CCDC77: variants seen among roughly 807,000 people sequenced by gnomAD.
CCDC77 encodes coiled-coil domain containing 77, also known as coiled-coil domain-containing protein 77.
Under a neutral mutation model 66.8 loss-of-function variants are expected in CCDC77, and 56 were observed. That is an observed-to-expected ratio of 0.84 (90% confidence interval 0.68 to 1.05). CCDC77 has a LOEUF of 1.05. CCDC77 is among the 50% of genes least tolerant of loss of function. CCDC77 has a pLI of 0.00. For missense variants in CCDC77, 570 were observed against 576.8 expected (o/e 0.99, Z 0.12); for synonymous variants, 196 against 195.2 (o/e 1.00, Z -0.03).
intron 12 of CCDC77, among the ~76,000 whole-genome samples, 169 bp from the exon 13 acceptor site, chr12:441,605 A>T (rs998800191): frequency 6.6e-6 from 1 of 152,154 alleles, no homozygotes; most frequent in Non-Finnish European, 1.5e-5. Flanking sequence ...TTCTGCCTTA[A>T]TTCTACATTT....
chr12:417,657 G>A (rs549959445), intron 4 of CCDC77, among the ~76,000 whole-genome samples: 11 of 152,254 alleles, frequency 7.2e-5, no homozygotes, highest in African/African-American at 2.4e-4. Flanking sequence ...GCTCACGCCT[G>A]TAATCCCAGC....
rs369477879 is a variant in CCDC77, at chr12:413,992, G to A, written c.270+2014G>A. On this transcript the variant is annotated intron_variant, in intron 4 of 12. Transcript: ENST00000239830. ...ATGCCACTAAAACCGTGCCGTCTGCGGTCTCCAAATACCTGTTTACCAAAC... is the reference window on the plus strand; with the variant it reads ...ATGCCACTAAAACCGTGCCGTCTGCAGTCTCCAAATACCTGTTTACCAAAC... Among the ~76,000 whole-genome samples the A allele has an allele frequency of 4.0e-5, 6 of 151,784 alleles. No individual in the cohort carries two copies. In the South Asian group the frequency reaches 6.2e-4, roughly 16 times the overall value.
chr12:434,383 C>T (rs1945709814), intron 9 of CCDC77, among the ~76,000 whole-genome samples: 1 of 147,436 alleles, frequency 6.8e-6, no homozygotes, highest in Non-Finnish European at 1.5e-5. Flanking sequence ...GACTAAGTCT[C>T]ACTCTGTCGC....
At chr12:422,985 T>C (rs1945433453) in intron 5 of CCDC77, among the ~76,000 whole-genome samples, 1 of 152,282 alleles carries the variant, frequency 6.6e-6, no homozygotes, top group Middle Eastern at 3.4e-3. Flanking sequence ...TTTTATTTTT[T>C]TGAGTAACTG....
intron 10 of CCDC77, 96 bp from the exon 11 acceptor site, chr12:440,521 A>T (rs1783192987): frequency 7.0e-7 from 1 of 1,421,160 alleles, no homozygotes; most frequent in African/African-American, 1.4e-5. Context: ...TACCTCTGGA[A>T]ATCCCTTCTT....
chr12:397,661 T>C (rs1944845708), upstream of CCDC77, among the ~76,000 whole-genome samples: 1 of 152,186 alleles, frequency 6.6e-6, no homozygotes. Flanking sequence ...TGCTTTTTTT[T>C]TTTGAGACAG....
intron 1 of CCDC77, chr12:389,490 A>G: frequency 2.7e-6 from 1 of 368,848 alleles, no homozygotes; most frequent in Admixed American, 4.4e-5. Flanking sequence ...GCCCTTGGTA[A>G]GGGGTCGGGG....
intron 4 of CCDC77, among the ~76,000 whole-genome samples, chr12:417,966 AG>A (rs1945319073): frequency 6.6e-6 from 1 of 152,286 alleles, no homozygotes; most frequent in South Asian, 2.1e-4. Context: ...AGTCTGTAAA[AG>A]GAAGATGTGA....
At chr12:422,320 C>T (rs1284036429) in intron 5 of CCDC77, among the ~76,000 whole-genome samples, 1 of 152,196 alleles carries the variant, frequency 6.6e-6, no homozygotes, top group East Asian at 1.9e-4. Context: ...GTGTACGGTT[C>T]AGTGGCATTA....
chr12:414,907 C>G (rs1169293122), intron 4 of CCDC77, among the ~76,000 whole-genome samples: 1 of 152,200 alleles, frequency 6.6e-6, no homozygotes, highest in East Asian at 1.9e-4. Context: ...TCTTACATCC[C>G]CAGTTGGCCT....
intron 3 of CCDC77, 139 bp from the exon 4 acceptor site, chr12:411,608 A>G (rs1032231800): frequency 1.3e-5 from 9 of 681,924 alleles, no homozygotes; most frequent in Admixed American, 2.9e-5. Flanking sequence ...ATGAGCCACT[A>G]TGCCTGTCCA....
At chr12:427,616 A>AGCTACTG (rs1403032269) in intron 5 of CCDC77, among the ~76,000 whole-genome samples, 17 of 151,742 alleles carry the variant, frequency 1.1e-4, no homozygotes, top group Non-Finnish European at 2.2e-4. Flanking sequence ...CTGGGATTAC[A>AGCTACTG]GGTGCACGCC....
intron 10 of CCDC77, among the ~76,000 whole-genome samples, chr12:439,944 G>A (rs1945829865): frequency 1.3e-5 from 2 of 152,272 alleles, no homozygotes; most frequent in Middle Eastern, 6.8e-3. Context: ...CTGAAAAATG[G>A]GACTAAGCTT....
intron 9 of CCDC77, among the ~76,000 whole-genome samples, chr12:434,143 T>C (rs1945703005): frequency 6.6e-6 from 1 of 151,952 alleles, no homozygotes; most frequent in African/African-American, 2.4e-5. Flanking sequence ...TGTTTTAGTT[T>C]CCTATAATGC....
Position 413,689 on chromosome 12 carries a change from G to A in CCDC77, c.270+1711G>A, listed in dbSNP as rs567679950. Among the ~76,000 whole-genome samples the A allele has an allele frequency of 1.7e-4, 25 of 144,344 alleles. 1 individual carries two copies. Among genetic ancestry groups the A allele is most frequent in the African/African-American group, 2.9e-4 (11 of 38,070 alleles). 94.7% of individuals were successfully genotyped at this position (144,344 alleles called of 152,430 possible). ...GTCGCCCAGGCTGGAGTGCAGTGAC[G>A]CAACCTCAGCTCACTGCAAGCTCTG... On this transcript the variant is annotated intron_variant, in intron 4 of 12. Transcript: ENST00000239830.
rs1391419725 is a variant in CCDC77, at chr12:428,284, A to G, written c.414-485A>G. ...TCCCAGCACTTTGGGAGGCCGAGGC[A>G]GGCAGATCACGAGGTCAGGAGATCA... On this transcript the variant is annotated intron_variant, in intron 5 of 12. Transcript: ENST00000239830. Among the ~76,000 whole-genome samples, 6 of 152,062 alleles carry G rather than the reference A, an allele frequency of 3.9e-5. No individual in the cohort carries two copies. The South Asian group carries it at 6.2e-4, about 16-fold the overall frequency.
upstream of CCDC77, among the ~76,000 whole-genome samples, chr12:396,951 G>T (rs530213323): frequency 2.0e-5 from 3 of 152,196 alleles, no homozygotes; most frequent in African/African-American, 7.2e-5. Flanking sequence ...CTGTCACCCA[G>T]GCTGGAGTGC....
chr12:410,644 C>G (rs1945089272), intron 3 of CCDC77, among the ~76,000 whole-genome samples: 1 of 149,622 alleles, frequency 6.7e-6, no homozygotes. Flanking sequence ...CTCCTGCGTT[C>G]AAGCAATTAT....
At chr12:417,054 G>A (rs4980897) in intron 4 of CCDC77, among the ~76,000 whole-genome samples, 97,976 of 150,494 alleles carry the variant, frequency 0.65, 32,774 homozygotes, top group South Asian at 0.79. Flanking sequence ...CAGAAGAATC[G>A]CCAAGGAGGT....
Sources: allele counts gnomAD v4.1 joint callset (sites outside exome capture counted in the v4.1 genomes callset), GRCh38; gene constraint gnomAD v4.1.1; transcripts MANE v1.5; gene names NCBI Gene and HGNC (gene_info 2026-07-23, HGNC 2026-07-21).